Variants in C5orf47 observed in about 807,000 individuals in gnomAD.
The protein encoded by C5orf47 is chromosome 5 open reading frame 47.
C5orf47 carries 20 observed loss-of-function variants against 20.6 expected under a neutral mutation model. The observed-to-expected ratio is 0.97, with a 90% CI of 0.68 to 1.41. The LOEUF is 1.41. Ranked by LOEUF, C5orf47 falls within the 40% of genes most tolerant of loss-of-function variation. The probability of loss-of-function intolerance (pLI) is 0.00; values close to 1 mark genes in which losing one functional copy is unlikely to be tolerated. For missense variants in C5orf47, 262 were observed against 238.4 expected, an observed-to-expected ratio of 1.10 and a Z score of -0.65; for synonymous variants, 106 against 97.3, an observed-to-expected ratio of 1.09 and a Z score of -0.53.
At chr5:174,002,014 C>T (rs1206466462) in intron 4 of C5orf47, among the ~76,000 whole-genome samples, 1 of 149,728 alleles carries the variant, frequency 6.7e-6, no homozygotes, top group Admixed American at 6.7e-5. Flanking sequence ...AGTATAGTGA[C>T]TCAATCGTAG....
chr5:173,996,401 A>G (rs1581194693), intron 1 of C5orf47, among the ~76,000 whole-genome samples: 1 of 152,180 alleles, frequency 6.6e-6, no homozygotes, highest in East Asian at 1.9e-4. Context: ...TAGATCCCCA[A>G]GTAATTACGG....
At position 173,991,479 on chromosome 5, in the gene C5orf47, T is replaced by G. The variant is rs183263633; in HGVS notation, c.325+1891T>G. Among the ~76,000 whole-genome samples the G allele has an allele frequency of 9.9e-5, 15 of 151,634 alleles. No homozygotes were observed. The East Asian group carries it at 2.9e-3, about 29-fold the overall frequency. On this transcript the variant is annotated intron_variant, in intron 1 of 4. Coordinates refer to ENST00000340147, the MANE Select transcript of C5orf47 (RefSeq NM_001144954.2). ...TATATATTTCAAATATTACAAAGTATCCCTCCATACTTATTTTTTCAGTGT... is the reference window on the plus strand; with the variant it reads ...TATATATTTCAAATATTACAAAGTAGCCCTCCATACTTATTTTTTCAGTGT...
rs540143644 is a variant in C5orf47 at position 174,001,260 on chromosome 5, G to A, written c.*16+29G>A. ...AGAATTTATTTACGTAATAATTATG[G>A]AATATAGATTTTATTCCCTTCCCTT... On this transcript the variant is annotated intron_variant, in intron 4 of 4. Transcript: ENST00000340147. 99 of 1,237,982 alleles carry A rather than the reference G, an allele frequency of 8.0e-5. No individual in the cohort carries two copies. The African/African-American group carries it at 1.4e-3, about 18-fold the overall frequency. 76.7% of individuals were successfully genotyped at this position (1,237,982 alleles called of 1,614,324 possible). A position where few individuals can be genotyped will look rare whatever the true frequency, so the allele number is the denominator to read the frequency against.
chr5:173,997,455 G>C (rs1394100158), intron 1 of C5orf47, among the ~76,000 whole-genome samples: 1 of 152,172 alleles, frequency 6.6e-6, no homozygotes, highest in Non-Finnish European at 1.5e-5. Context: ...CGTTCACTCT[G>C]GATAACCCTT....
At position 174,001,199 on chromosome 5, in the gene C5orf47, C is replaced by A. The variant is rs2113372185; in HGVS notation, c.515C>A (p.Ser172Ter). Residue 172 changes from serine (S) to a stop codon, truncating the protein, a stop_gained, in exon 4 of 5, where the codon TCA (serine) becomes TAA (stop). Coordinates refer to ENST00000340147, the MANE Select transcript of C5orf47 (RefSeq NM_001144954.2). LOFTEE classifies it high-confidence loss of function. ...LKCQRLSSES[S>*]NYTR is the part of the protein sequence containing the mutation. Reference sequence around the variant, plus strand: ...TTATTTTTTATGTTGTTTGCAGGCTCAAATTACACAAGATGAATCTTCTTA... The same window carrying A: ...TTATTTTTTATGTTGTTTGCAGGCTAAAATTACACAAGATGAATCTTCTTA... The A allele has an allele frequency of 2.6e-6, 4 of 1,518,408 alleles. No homozygotes were observed. In the East Asian group the frequency reaches 9.8e-5, roughly 37 times the overall value. The allele number at this position is 1,518,408 out of a possible 1,614,324, so 94.1% of individuals were successfully genotyped here.
downstream of C5orf47, among the ~76,000 whole-genome samples, chr5:174,009,371 T>A (rs183267659): frequency 2.6e-5 from 4 of 152,146 alleles, no homozygotes; most frequent in Non-Finnish European, 4.4e-5. Flanking sequence ...TTTCCTTTCT[T>A]GTGTTTGCTT....
At chr5:174,006,953 G>A (rs1244744641), downstream of C5orf47, among the ~76,000 whole-genome samples, 2 of 152,172 alleles carry the variant, frequency 1.3e-5, no homozygotes, top group Non-Finnish European at 2.9e-5. Context: ...AGCATGGTAA[G>A]GATTTTAAGG....
chr5:173,999,101 A>G (rs2113368829), intron 2 of C5orf47, among the ~76,000 whole-genome samples: 1 of 152,204 alleles, frequency 6.6e-6, no homozygotes, highest in East Asian at 1.9e-4. Flanking sequence ...TTTTTTCCTT[A>G]ATTCTTATAA....
intron 2 of C5orf47, among the ~76,000 whole-genome samples, chr5:173,998,613 T>G (rs1759141158): frequency 6.6e-6 from 1 of 152,192 alleles, no homozygotes; most frequent in Admixed American, 6.5e-5. Context: ...TATATTGGTC[T>G]TTTTAAAGAC....
intron 1 of C5orf47, among the ~76,000 whole-genome samples, chr5:173,996,432 GT>G (rs1437168424): frequency 6.6e-6 from 1 of 152,114 alleles, no homozygotes; most frequent in Non-Finnish European, 1.5e-5. Flanking sequence ...TGACTCCTGT[GT>G]TTTCTCAAGG....
At position 173,989,214 on chromosome 5, in the gene C5orf47, C is replaced by G; in HGVS notation, c.-50C>G. 2.2e-6 allele frequency: 3 copies of G among 1,360,350 alleles called. No individual in the cohort carries two copies. In the South Asian group the frequency reaches 5.5e-5, roughly 25 times the overall value. The allele number at this position is 1,360,350 out of a possible 1,614,324, so 84.3% of individuals were successfully genotyped here. On this transcript the variant is annotated 5_prime_UTR_variant, in exon 1 of 5. Transcript: ENST00000340147. ...GCCTGCACAGTGGGCAGTCTGGCGC[C>G]TGTGGCGTCGTGTTTGCTGAGGGCC... is the stretch of plus-strand genomic sequence containing the variant.
chr5:173,998,177 A>G lies in C5orf47; in HGVS notation c.350A>G (p.Lys117Arg). 6.5e-7 allele frequency: 1 copy of G among 1,542,914 alleles called. No homozygotes were observed. The highest frequency in any genetic ancestry group is 8.8e-7 in the Non-Finnish European group (1 of 1,141,884). Residue 117 changes from lysine (K) to arginine (R), a missense_variant, in exon 2 of 5, where the codon AAA becomes AGA. By Grantham distance (26) the Lys-to-Arg change is conservative (BLOSUM62 2). Coordinates refer to ENST00000340147, the MANE Select transcript of C5orf47 (RefSeq NM_001144954.2). ...GGTTTAATCCAGAAGGATGCAGCTA[A>G]AAAGTATGATTTTCCCATACCATTG... ...RAGLIQKDAA[K>R]KYDFPIPLNE...
In C5orf47 at chr5:174,004,589, C is replaced by A. The variant is rs1759254681; in HGVS notation, c.*335C>A. On this transcript the variant is annotated 3_prime_UTR_variant, in exon 5 of 5. Transcript: ENST00000340147. Reference sequence around the variant, plus strand: ...GCAATTGCATGAATTTTATAATTACCAGCTTTTCCATTTTATTAATGAGTC... The same window carrying A: ...GCAATTGCATGAATTTTATAATTACAAGCTTTTCCATTTTATTAATGAGTC... The A allele has an allele frequency of 6.6e-6, 1 of 152,006 alleles. No homozygotes were observed. The highest frequency in any genetic ancestry group is 2.1e-4 in the South Asian group (1 of 4,826). 9.4% of individuals were successfully genotyped at this position (152,006 alleles called of 1,614,324 possible).
chr5:174,000,669 G>A (rs536831125), intron 3 of C5orf47, among the ~76,000 whole-genome samples: 2 of 152,136 alleles, frequency 1.3e-5, no homozygotes, highest in South Asian at 4.2e-4. Flanking sequence ...TGCAAGCAGT[G>A]GAAACTTATG....
intron 1 of C5orf47, among the ~76,000 whole-genome samples, chr5:173,994,039 C>A (rs575406577): frequency 6.6e-6 from 1 of 152,296 alleles, no homozygotes; most frequent in East Asian, 1.9e-4. Context: ...GTTTTCCTTG[C>A]AAAAAGTTGT....
Position 174,001,231 on chromosome 5 carries a change from G to A in C5orf47, c.*16G>A, listed in dbSNP as rs1759190966. 2 of 1,433,826 alleles carry A rather than the reference G, an allele frequency of 1.4e-6. No homozygotes were observed. Among genetic ancestry groups the A allele is most frequent in the Non-Finnish European group, 1.9e-6 (2 of 1,047,144 alleles). The allele number at this position is 1,433,826 out of a possible 1,614,324, so 88.8% of individuals were successfully genotyped here. Reference sequence around the variant, plus strand: ...CACAAGATGAATCTTCTTATCTTCTGGTAAGAATTTATTTACGTAATAATT... The same window carrying A: ...CACAAGATGAATCTTCTTATCTTCTAGTAAGAATTTATTTACGTAATAATT... On this transcript the variant is annotated splice_region_variant and 3_prime_UTR_variant, in exon 4 of 5. Coordinates refer to ENST00000340147, the MANE Select transcript of C5orf47 (RefSeq NM_001144954.2).
chr5:173,993,334 A>C (rs1759032150), intron 1 of C5orf47, among the ~76,000 whole-genome samples: 2 of 152,130 alleles, frequency 1.3e-5, no homozygotes, highest in African/African-American at 4.8e-5. Flanking sequence ...CCTGCTTTAA[A>C]AGATTTTGAA....
Position 174,005,358 on chromosome 5 carries a change from C to T in C5orf47, c.*1104C>T, listed in dbSNP as rs1759270987. 1 of 152,170 alleles carries T rather than the reference C, an allele frequency of 6.6e-6. No individual in the cohort carries two copies. The highest frequency in any genetic ancestry group is 1.5e-5 in the Non-Finnish European group (1 of 68,030). The allele number at this position is 152,170 out of a possible 1,614,324, so 9.4% of individuals were successfully genotyped here. Reference sequence around the variant, plus strand: ...CATGAAATAGTACAAGTTGTAAGGACTGTAAAGTAATTCATAGTTTTGTTT... The same window carrying T: ...CATGAAATAGTACAAGTTGTAAGGATTGTAAAGTAATTCATAGTTTTGTTT... On this transcript the variant is annotated 3_prime_UTR_variant, in exon 5 of 5. Coordinates refer to ENST00000340147, the MANE Select transcript of C5orf47 (RefSeq NM_001144954.2).
intron 1 of C5orf47, among the ~76,000 whole-genome samples, chr5:173,993,144 G>C (rs945126936): frequency 1.3e-5 from 2 of 152,018 alleles, no homozygotes; most frequent in African/African-American, 4.8e-5. Flanking sequence ...AGTATTTCTA[G>C]TTTCTCTTCC....
Sources: gnomAD v4.1 joint callset for allele counts (sites outside exome capture counted in the v4.1 genomes callset) on GRCh38, gnomAD v4.1.1 for gene constraint, MANE v1.5 for transcripts, NCBI Gene and HGNC (gene_info 2026-07-23, HGNC 2026-07-21) for gene names.